SLC9A9: variants seen among roughly 807,000 people sequenced by gnomAD.
The protein encoded by SLC9A9 is solute carrier family 9 member A9, also known as sodium/hydrogen exchanger 9.
A neutral mutation model predicts 77.8 loss-of-function variants in SLC9A9; 62 were observed. The observed-to-expected ratio is 0.80, with a 90% CI of 0.65 to 0.98. SLC9A9 has a LOEUF of 0.98. SLC9A9 is among the 50% of genes least tolerant of loss of function. The pLI, the probability that SLC9A9 is intolerant of heterozygous loss-of-function variation, is 0.00. For missense variants in SLC9A9, 775 were observed against 774.9 expected (o/e 1.00, Z 0.00); for synonymous variants, 320 against 283.5 (o/e 1.13, Z -1.29).
intron 12 of SLC9A9, among the ~76,000 whole-genome samples, chr3:143,464,309 TATGAGTTTAAAGCCATA>T (rs1258525498): frequency 3.9e-5 from 6 of 152,212 alleles, no homozygotes; most frequent in African/African-American, 1.4e-4. Flanking sequence ...GATGGGTGAC[TATGAGTTTAAAGCCATA>T]ATGGAATTGA....
At chr3:143,552,774 C>T (rs1318842387) in intron 8 of SLC9A9, among the ~76,000 whole-genome samples, 1 of 152,162 alleles carries the variant, frequency 6.6e-6, no homozygotes, top group Admixed American at 6.5e-5. Context: ...ACTCCATAGC[C>T]AACCCTGGGT....
chr3:143,674,011 T>A (rs1250356758), intron 5 of SLC9A9, among the ~76,000 whole-genome samples: 2 of 152,156 alleles, frequency 1.3e-5, no homozygotes, highest in Admixed American at 6.5e-5. Context: ...AATAGGAATA[T>A]CATGATAGTG....
intron 13 of SLC9A9, among the ~76,000 whole-genome samples, chr3:143,372,280 T>A (rs952475257): frequency 2.6e-4 from 39 of 151,904 alleles, no homozygotes; most frequent in African/African-American, 8.7e-4. Context: ...AAAGAACAAA[T>A]CTGGAGGTAT....
At chr3:143,843,669 C>T (rs1242751241) in intron 1 of SLC9A9, among the ~76,000 whole-genome samples, 1 of 152,092 alleles carries the variant, frequency 6.6e-6, no homozygotes, top group Non-Finnish European at 1.5e-5. Flanking sequence ...AGATCCCAGC[C>T]CTCAAATGCA....
At chr3:143,775,083 T>C (rs2007647307) in intron 4 of SLC9A9, among the ~76,000 whole-genome samples, 1 of 152,148 alleles carries the variant, frequency 6.6e-6, no homozygotes, top group Non-Finnish European at 1.5e-5. Flanking sequence ...CTGAGATCAG[T>C]TAGATTAGAA....
chr3:143,312,450 A>G (rs73144705), intron 14 of SLC9A9, among the ~76,000 whole-genome samples: 16,422 of 152,290 alleles, frequency 0.11, 1,003 homozygotes, highest in East Asian at 0.18. Flanking sequence ...GAAGGAGGTG[A>G]GCTGCTTGAT....
At chr3:143,444,985 T>G (rs1050770221) in intron 12 of SLC9A9, among the ~76,000 whole-genome samples, 1 of 152,202 alleles carries the variant, frequency 6.6e-6, no homozygotes, top group African/African-American at 2.4e-5. Flanking sequence ...ACCACTGCCT[T>G]GGCCCCTGAA....
intron 4 of SLC9A9, among the ~76,000 whole-genome samples, chr3:143,765,778 C>G (rs947313145): frequency 6.6e-6 from 1 of 152,208 alleles, no homozygotes; most frequent in African/African-American, 2.4e-5. Flanking sequence ...CCCTTCCATC[C>G]TTTTGCCATG....
chr3:143,437,772 T>C (rs2034650602), intron 12 of SLC9A9, among the ~76,000 whole-genome samples: 1 of 152,218 alleles, frequency 6.6e-6, no homozygotes, highest in South Asian at 2.1e-4. Flanking sequence ...GGAACATCTA[T>C]TTCGTTCAGA....
chr3:143,281,373 T>TA (rs143790048), intron 14 of SLC9A9, among the ~76,000 whole-genome samples: 2,857 of 152,014 alleles, frequency 0.019, 113 homozygotes, highest in African/African-American at 0.064. Context: ...TCTATTTCAT[T>TA]AAAAAAAATG....
At chr3:143,411,828 C>T (rs2108520111) in intron 12 of SLC9A9, among the ~76,000 whole-genome samples, 1 of 152,164 alleles carries the variant, frequency 6.6e-6, no homozygotes, top group South Asian at 2.1e-4. Flanking sequence ...TCCCTCAATA[C>T]CTGTACAGGT....
At chr3:143,428,205 T>C (rs890765785) in intron 12 of SLC9A9, among the ~76,000 whole-genome samples, 2 of 151,960 alleles carry the variant, frequency 1.3e-5, no homozygotes, top group Admixed American at 6.6e-5. Flanking sequence ...CCACAGTATA[T>C]GGGGAATTCA....
At chr3:143,606,430 C>CTATATA (rs745429920) in intron 6 of SLC9A9, among the ~76,000 whole-genome samples, 86 of 63,328 alleles carry the variant, frequency 1.4e-3, no homozygotes, top group South Asian at 3.5e-3. Flanking sequence ...CTCTCTCTCT[C>CTATATA]TCTCTCTATA....
At chr3:143,286,680 T>A (rs1938390634) in intron 14 of SLC9A9, among the ~76,000 whole-genome samples, 1 of 152,154 alleles carries the variant, frequency 6.6e-6, no homozygotes, top group South Asian at 2.1e-4. Flanking sequence ...TTCTTCCCAG[T>A]TTAGGGATGT....
At chr3:143,552,849 G>A (rs963149410) in intron 8 of SLC9A9, among the ~76,000 whole-genome samples, 1 of 152,256 alleles carries the variant, frequency 6.6e-6, no homozygotes, top group East Asian at 1.9e-4. Flanking sequence ...TTTTCTGAAA[G>A]ATATTTGCTT....
intron 9 of SLC9A9, chr3:143,518,209 G>T: frequency 1.3e-6 from 2 of 1,598,268 alleles, no homozygotes; most frequent in Non-Finnish European, 1.7e-6. Context: ...CCCGAAGCTT[G>T]TTCACTTTGC....
At chr3:143,395,525 A>G (rs1002522318) in intron 12 of SLC9A9, among the ~76,000 whole-genome samples, 64 of 152,276 alleles carry the variant, frequency 4.2e-4, no homozygotes, top group African/African-American at 1.4e-3. Flanking sequence ...TACCATTCAG[A>G]ACACAGGCAT....
intron 4 of SLC9A9, among the ~76,000 whole-genome samples, chr3:143,758,549 T>C (rs1370026249): frequency 6.6e-6 from 1 of 152,090 alleles, no homozygotes; most frequent in Non-Finnish European, 1.5e-5. Context: ...TGTTTAGAGA[T>C]AAAGTTGTTA....
intron 12 of SLC9A9, among the ~76,000 whole-genome samples, chr3:143,428,526 A>G (rs1225159807): frequency 1.3e-5 from 2 of 152,198 alleles, no homozygotes; most frequent in Non-Finnish European, 2.9e-5. Context: ...AATAGTATGA[A>G]GGTCTCTCAA....
Sources: gnomAD v4.1 joint callset for allele counts (sites outside exome capture counted in the v4.1 genomes callset) on GRCh38, gnomAD v4.1.1 for gene constraint, MANE v1.5 for transcripts, NCBI Gene and HGNC (gene_info 2026-07-23, HGNC 2026-07-21) for gene names.